UBE2L3: variants seen among roughly 807,000 people sequenced by gnomAD.
UBE2L3 encodes ubiquitin conjugating enzyme E2 L3.
A neutral mutation model predicts 17.8 loss-of-function variants in UBE2L3; 1 was observed. The observed-to-expected ratio is 0.06, with a 90% CI of 0.02 to 0.27. The LOEUF is 0.27. Ranked by LOEUF, UBE2L3 falls within the 10% of genes least tolerant of loss-of-function variation. UBE2L3 has a pLI of 1.00. For missense variants in UBE2L3, 40 were observed against 192.6 expected (o/e 0.21, Z 4.69); for synonymous variants, 44 against 68.5 (o/e 0.64, Z 1.76).
chr22:21,567,822 C>G (rs1190217815), intron 1 of UBE2L3, 51 bp downstream of exon 1: 2 of 1,562,266 alleles, frequency 1.3e-6, no homozygotes, highest in Non-Finnish European at 1.7e-6. Flanking sequence ...GTCCTAGGCT[C>G]CGGATCCCCG....
At chr22:21,587,379 C>T (rs533121229) in intron 1 of UBE2L3, among the ~76,000 whole-genome samples, 5 of 151,842 alleles carry the variant, frequency 3.3e-5, no homozygotes, top group African/African-American at 4.8e-5. Context: ...TTAGTAGAGA[C>T]GGGGTTTCAC....
intron 1 of UBE2L3, among the ~76,000 whole-genome samples, chr22:21,577,658 T>G (rs372790261): frequency 4.6e-5 from 7 of 152,330 alleles, no homozygotes. Context: ...CTTTTGGTCT[T>G]GAGGAAGGGA....
chr22:21,621,035 C>G (rs1192868934), intron 3 of UBE2L3, among the ~76,000 whole-genome samples: 1 of 152,096 alleles, frequency 6.6e-6, no homozygotes, highest in South Asian at 2.1e-4. Flanking sequence ...TGGTGGTGCA[C>G]GACTGTAGTC....
rs1411257144 is a variant in UBE2L3, at chr22:21,623,817, C to T, written c.*2148C>T. 6.6e-6 allele frequency: 1 copy of T among 152,662 alleles called. No homozygotes were observed. Among genetic ancestry groups the T allele is most frequent in the African/African-American group, 2.4e-5 (1 of 41,444 alleles). 9.5% of individuals were successfully genotyped at this position (152,662 alleles called of 1,614,324 possible). On this transcript the variant is annotated 3_prime_UTR_variant, in exon 4 of 4. Transcript: ENST00000342192. ...AAGCTGGCGAACAGCCCTGGCTGCT[C>T]CAAAACCAAAAAGCTGGGTCCTCTG...
At chr22:21,585,174 G>A (rs1927870550) in intron 1 of UBE2L3, among the ~76,000 whole-genome samples, 1 of 152,144 alleles carries the variant, frequency 6.6e-6, no homozygotes. Flanking sequence ...TCTAAAGTAT[G>A]GTGTCCAGAA....
intron 1 of UBE2L3, among the ~76,000 whole-genome samples, chr22:21,557,817 G>A (rs539676706): frequency 0.015 from 2,337 of 151,426 alleles, no homozygotes; most frequent in Non-Finnish European, 0.022. Context: ...CATAGCACCC[G>A]GCCGGCAGAT....
intron 1 of UBE2L3, chr22:21,551,229 G>GC: frequency 7.3e-6 from 1 of 136,666 alleles, no homozygotes; most frequent in African/African-American, 1.8e-4. Context: ...ATGCACGGGG[G>GC]CTTTTCCGGT....
intron 3 of UBE2L3, among the ~76,000 whole-genome samples, chr22:21,613,147 C>G (rs1929594044): frequency 6.6e-6 from 1 of 152,178 alleles, no homozygotes; most frequent in South Asian, 2.1e-4. Flanking sequence ...TCCTCCCTTA[C>G]CTGTAGACTG....
chr22:21,592,089 A>G (rs1928295461), intron 1 of UBE2L3, among the ~76,000 whole-genome samples: 1 of 152,214 alleles, frequency 6.6e-6, no homozygotes, highest in South Asian at 2.1e-4. Flanking sequence ...CTGAAGTCGT[A>G]AAGTTGTGCT....
At position 21,592,983 on chromosome 22, in the gene UBE2L3, A is replaced by G. The variant is rs375193420; in HGVS notation, c.123+27A>G. The stretch of plus-strand genomic sequence containing the variant: ...TGAGTATTGAACACTTCCACTTCCT[A>G]CCAGATTATTCTTTAAGGTGATGTG... On this transcript the variant is annotated intron_variant, in intron 2 of 3. Transcript: ENST00000342192. The G allele has an allele frequency of 3.8e-6, 6 of 1,587,030 alleles. No homozygotes were observed. In the African/African-American group the frequency reaches 6.7e-5, roughly 18 times the overall value.
intron 2 of UBE2L3, among the ~76,000 whole-genome samples, chr22:21,598,638 C>T (rs1204215417): frequency 2.7e-5 from 4 of 149,004 alleles, no homozygotes; most frequent in South Asian, 2.1e-4. Context: ...GTGGAAGGAT[C>T]GATTGAGCCT....
Position 21,614,719 on chromosome 22 carries a change from A to G in UBE2L3, c.310+3676A>G, listed in dbSNP as rs532897840. 6.0e-6 allele frequency: 7 copies of G among 1,169,346 alleles called. No homozygotes were observed. The African/African-American group carries it at 9.5e-5, about 16-fold the overall frequency. 72.4% of individuals were successfully genotyped at this position (1,169,346 alleles called of 1,614,324 possible). On this transcript the variant is annotated intron_variant, in intron 3 of 3. Transcript: ENST00000342192. ...GAAAAGATGCTCATATGACCCAGCA[A>G]TTCCACTCTTAGCTATATCTACCCA...
intron 3 of UBE2L3, among the ~76,000 whole-genome samples, chr22:21,620,861 TC>T (rs1239221253): frequency 6.6e-6 from 1 of 151,992 alleles, no homozygotes; most frequent in Non-Finnish European, 1.5e-5. Context: ...AACCGAAACT[TC>T]CCTGAGCCGA....
At chr22:21,593,266 A>G (rs918715974) in intron 2 of UBE2L3, among the ~76,000 whole-genome samples, 7 of 152,184 alleles carry the variant, frequency 4.6e-5, no homozygotes, top group African/African-American at 1.2e-4. Context: ...ATGGATCAGC[A>G]GGACCTTCTT....
chr22:21,578,126 G>A (rs1402378429), intron 1 of UBE2L3, among the ~76,000 whole-genome samples: 1 of 152,098 alleles, frequency 6.6e-6, no homozygotes, highest in African/African-American at 2.4e-5. Flanking sequence ...GGGAGGCTGA[G>A]GTGGGAGGAT....
At chr22:21,569,897 A>G (rs1926863398) in intron 1 of UBE2L3, among the ~76,000 whole-genome samples, 1 of 152,156 alleles carries the variant, frequency 6.6e-6, no homozygotes, top group East Asian at 1.9e-4. Context: ...TCTTTCTCCA[A>G]AGCAAAGTCT....
At chr22:21,578,549 AG>A (rs1025753411) in intron 1 of UBE2L3, among the ~76,000 whole-genome samples, 7 of 151,832 alleles carry the variant, frequency 4.6e-5, no homozygotes, top group Non-Finnish European at 7.4e-5. Flanking sequence ...TCAGTCTGGT[AG>A]GGGGGTGCTG....
intron 1 of UBE2L3, among the ~76,000 whole-genome samples, chr22:21,569,378 A>G (rs1378017753): frequency 7.3e-6 from 1 of 137,442 alleles, no homozygotes; most frequent in African/African-American, 2.8e-5. Flanking sequence ...CCAGGGCGAC[A>G]GAGTGAGACT....
intron 3 of UBE2L3, among the ~76,000 whole-genome samples, chr22:21,619,873 G>A (rs1009131577): frequency 5.3e-5 from 8 of 152,284 alleles, no homozygotes; most frequent in African/African-American, 1.4e-4. Context: ...TGTATTTTTA[G>A]TAGAGACGGG....
Sources: gnomAD v4.1 joint callset for allele counts (sites outside exome capture counted in the v4.1 genomes callset) on GRCh38, gnomAD v4.1.1 for gene constraint, MANE v1.5 for transcripts, NCBI Gene and HGNC (gene_info 2026-07-23, HGNC 2026-07-21) for gene names.